Variants in MTHFD1L observed in about 807,000 individuals in gnomAD.
The protein encoded by MTHFD1L is methylenetetrahydrofolate dehydrogenase (NADP+ dependent) 1 like.
Under a neutral mutation model 119.5 loss-of-function variants are expected in MTHFD1L, and 81 were observed. The observed-to-expected ratio is 0.68, with a 90% CI of 0.57 to 0.82. The LOEUF is 0.82. Ranked by LOEUF, MTHFD1L falls within the 40% of genes least tolerant of loss-of-function variation. MTHFD1L has a pLI of 0.00. For missense variants in MTHFD1L, 1,125 were observed against 1,253.4 expected, an observed-to-expected ratio of 0.90 and a Z score of 1.55; for synonymous variants, 430 against 475.2, an observed-to-expected ratio of 0.90 and a Z score of 1.24.
At chr6:150,894,084 GT>G (rs1270294379) in intron 7 of MTHFD1L, among the ~76,000 whole-genome samples, 1 of 151,982 alleles carries the variant, frequency 6.6e-6, no homozygotes, top group Non-Finnish European at 1.5e-5. Flanking sequence ...CTCTAAAAAA[GT>G]ACAAAAATTA....
intron 26 of MTHFD1L, among the ~76,000 whole-genome samples, chr6:151,090,953 G>A (rs1300760907): frequency 7.3e-6 from 1 of 137,250 alleles, no homozygotes; most frequent in Non-Finnish European, 1.6e-5. Context: ...CGTTCCATGC[G>A]ACTGGGTGCA....
At chr6:150,866,079 T>C (rs2128704637) in intron 1 of MTHFD1L, 30 bp downstream of exon 1, 1 of 1,480,460 alleles carries the variant, frequency 6.8e-7, no homozygotes, top group East Asian at 2.9e-5. Flanking sequence ...CTGGCCCAGG[T>C]CTCCAGCGGC....
chr6:150,994,020 A>G (rs1478860846), intron 20 of MTHFD1L, among the ~76,000 whole-genome samples: 2 of 146,226 alleles, frequency 1.4e-5, no homozygotes, highest in African/African-American at 5.1e-5. Context: ...GTATTTGCAA[A>G]TGAGTCAGTT....
intron 7 of MTHFD1L, among the ~76,000 whole-genome samples, chr6:150,903,485 C>G (rs930931458): frequency 6.6e-5 from 10 of 152,116 alleles, no homozygotes; most frequent in Non-Finnish European, 1.5e-5. Context: ...GGCTCGATCA[C>G]AGCTCACTGC....
At chr6:150,919,517 G>A (rs188583277) in intron 9 of MTHFD1L, among the ~76,000 whole-genome samples, 1 of 152,102 alleles carries the variant, frequency 6.6e-6, no homozygotes, top group Admixed American at 6.6e-5. Context: ...GAGCCACCGC[G>A]CCTGACCTGG....
intron 7 of MTHFD1L, among the ~76,000 whole-genome samples, chr6:150,903,740 AG>A (rs1386977683): frequency 1.3e-5 from 2 of 152,290 alleles, no homozygotes; most frequent in Non-Finnish European, 2.9e-5. Context: ...GCCTCGGCAA[AG>A]GTTTTAGTAG....
chr6:150,898,001 C>T (rs1447586833), intron 7 of MTHFD1L, among the ~76,000 whole-genome samples: 5 of 152,100 alleles, frequency 3.3e-5, no homozygotes, highest in South Asian at 2.1e-4. Flanking sequence ...TGCGCCACCA[C>T]GCCCAGCTAA....
chr6:150,989,543 A>C (rs1254940794), intron 20 of MTHFD1L, among the ~76,000 whole-genome samples: 1 of 152,234 alleles, frequency 6.6e-6, no homozygotes, highest in African/African-American at 2.4e-5. Context: ...TTAAGTAATA[A>C]AAGTTTTAGT....
chr6:151,000,311 T>G (rs1048992654), intron 20 of MTHFD1L, among the ~76,000 whole-genome samples: 1 of 144,462 alleles, frequency 6.9e-6, no homozygotes, highest in Non-Finnish European at 1.5e-5. Context: ...CACTCCAGCC[T>G]GGCAACAGGG....
At chr6:151,020,206 G>A (rs997027913) in intron 24 of MTHFD1L, among the ~76,000 whole-genome samples, 4 of 152,240 alleles carry the variant, frequency 2.6e-5, no homozygotes, top group African/African-American at 7.2e-5. Flanking sequence ...GGAAAACACC[G>A]GAGATGATTT....
chr6:151,013,875 G>T, intron 22 of MTHFD1L, 55 bp downstream of exon 22: 1 of 1,510,810 alleles, frequency 6.6e-7, no homozygotes, highest in Non-Finnish European at 9.1e-7. Context: ...CCAGTGACTC[G>T]TTGGCTTTCA....
intron 20 of MTHFD1L, among the ~76,000 whole-genome samples, chr6:150,977,756 G>A (rs998799247): frequency 6.6e-6 from 1 of 152,140 alleles, no homozygotes; most frequent in Non-Finnish European, 1.5e-5. Flanking sequence ...GCAGAGGAGT[G>A]CAGAATGCAA....
rs769208114 is a variant in MTHFD1L at position 150,877,584 on chromosome 6, T to G, written c.313-50T>G. ...AAATTCATCTCTGGATTATCTTTTG[T>G]GCCTTTTCAAGCTATTTTTATGTTG... On this transcript the variant is annotated intron_variant, in intron 2 of 27. Coordinates refer to ENST00000367321, the MANE Select transcript of MTHFD1L (RefSeq NM_015440.5). 2.5e-6 allele frequency: 4 copies of G among 1,587,220 alleles called. No homozygotes were observed. In the African/African-American group the frequency reaches 5.4e-5, roughly 21 times the overall value.
At chr6:150,969,634 A>G (rs763784451) in intron 19 of MTHFD1L, among the ~76,000 whole-genome samples, 3 of 152,218 alleles carry the variant, frequency 2.0e-5, no homozygotes, top group Non-Finnish European at 4.4e-5. Flanking sequence ...TAAACAAAGT[A>G]TGAAGGTACA....
chr6:150,927,401 C>T (rs1283598572), intron 11 of MTHFD1L, among the ~76,000 whole-genome samples: 4 of 151,220 alleles, frequency 2.6e-5, no homozygotes, highest in Admixed American at 2.0e-4. Context: ...GAATATTGAG[C>T]TATGTCACCA....
At chr6:150,935,643 G>C in intron 11 of MTHFD1L, 1 of 1,125,744 alleles carries the variant, frequency 8.9e-7, no homozygotes, top group African/African-American at 1.6e-5. Flanking sequence ...TGTCTACAGC[G>C]TGGTTTGCCT....
At chr6:150,969,665 C>T (rs760650382) in intron 19 of MTHFD1L, among the ~76,000 whole-genome samples, 1 of 152,088 alleles carries the variant, frequency 6.6e-6, no homozygotes, top group Non-Finnish European at 1.5e-5. Flanking sequence ...TCTTGTAAGT[C>T]GGAAAACAGA....
intron 20 of MTHFD1L, among the ~76,000 whole-genome samples, chr6:150,991,634 C>T (rs1000574628): frequency 3.3e-5 from 5 of 152,098 alleles, no homozygotes; most frequent in Non-Finnish European, 5.9e-5. Flanking sequence ...AAATTACATT[C>T]GAGGCAGAGA....
At position 150,926,891 on chromosome 6, in the gene MTHFD1L, G is replaced by A. The variant is rs1451904697; in HGVS notation, c.1256+596G>A. Among the ~76,000 whole-genome samples the A allele has an allele frequency of 6.6e-6, 1 of 152,096 alleles. No homozygotes were observed. Among genetic ancestry groups the A allele is most frequent in the East Asian group, 1.9e-4 (1 of 5,176 alleles). On this transcript the variant is annotated intron_variant, in intron 11 of 27. Coordinates refer to ENST00000367321, the MANE Select transcript of MTHFD1L (RefSeq NM_015440.5). The surrounding 1 kb of genome is among the most constrained non-coding windows in gnomAD (Gnocchi z 4.3). ...TTTCCCCTTCTTTTTAAAAAAAGAA[G>A]TACATTCACTAGCTGAAAAGATGAT... is the stretch of plus-strand genomic sequence containing the variant.
Sources: gnomAD v4.1 joint callset for allele counts (sites outside exome capture counted in the v4.1 genomes callset) on GRCh38, gnomAD v4.1.1 for gene constraint, Gnocchi (gnomAD v3.1) non-coding constraint, MANE v1.5 for transcripts, NCBI Gene and HGNC (gene_info 2026-07-23, HGNC 2026-07-21) for gene names.